FOS: variants seen among roughly 807,000 people sequenced by gnomAD.
FOS encodes the protein protein c-Fos.
A neutral mutation model predicts 27.2 loss-of-function variants in FOS; 9 were observed. The ratio of observed to expected loss-of-function variants is 0.33; its 90% CI spans 0.20 to 0.58. The LOEUF (loss-of-function observed/expected upper bound fraction) is 0.58, where lower values mean the gene tolerates loss of function less well. Among genes scored for constraint, FOS ranks in the 20% least tolerant of loss-of-function variants. FOS has a pLI of 0.87. For synonymous variants in FOS, 213 were observed against 205.1 expected, an observed-to-expected ratio of 1.04 and a Z score of -0.33; for missense variants, 405 against 483.5, an observed-to-expected ratio of 0.84 and a Z score of 1.52.
rs1359533864 is a variant in FOS at position 75,278,993 on chromosome 14, C to T, written c.11C>T (p.Ser4Leu). The T allele has an allele frequency of 1.9e-6, 3 of 1,613,504 alleles. No homozygotes were observed. Among genetic ancestry groups the T allele is most frequent in the Non-Finnish European group, 1.7e-6 (2 of 1,179,936 alleles). The change falls in exon 1 of 4, where the codon TCG becomes TTG. Residue 4 changes from serine to leucine, a missense_variant. By Grantham distance (145) the Ser-to-Leu change is moderately radical. Coordinates refer to ENST00000303562, the MANE Select transcript of FOS (RefSeq NM_005252.4). The surrounding 1 kb of genome is among the most constrained non-coding windows in gnomAD (Gnocchi z 4.1). Reference protein sequence around the residue: MMFSGFNADYEASS... With the variant: MMFLGFNADYEASS... ...TGCCTAACCGCCACGATGATGTTCTCGGGCTTCAACGCAGACTACGAGGCG... is the reference window on the plus strand; with the variant it reads ...TGCCTAACCGCCACGATGATGTTCTTGGGCTTCAACGCAGACTACGAGGCG...
chr14:75,279,724 G>C lies in FOS; in HGVS notation c.142-153G>C. The C allele has an allele frequency of 1.1e-6, 1 of 882,846 alleles. No individual in the cohort carries two copies. Among genetic ancestry groups the C allele is most frequent in the South Asian group, 1.7e-5 (1 of 59,502 alleles). 54.7% of individuals were successfully genotyped at this position (882,846 alleles called of 1,614,324 possible). A position where few individuals can be genotyped will look rare whatever the true frequency, so the allele number is the denominator to read the frequency against. On this transcript the variant is annotated intron_variant, in intron 1 of 3. Transcript: ENST00000303562. The surrounding 1 kb of genome is among the most constrained non-coding windows in gnomAD (Gnocchi z 5.4). ...TGCGGAATGCCTGGGAGGAAAAGGG[G>C]GAGACCTTTCATCCAGGATGAGGGA...
Position 75,279,893 on chromosome 14 carries a change from T to C in FOS, c.158T>C (p.Leu53Pro). 2 of 1,610,528 alleles carry C rather than the reference T, an allele frequency of 1.2e-6. No individual in the cohort carries two copies. The highest frequency in any genetic ancestry group is 1.7e-4 in the Middle Eastern group (1 of 6,046). ...PVNAQDFCTD[L>P]AVSSANFIPT... Reference sequence around the variant, plus strand: ...TTGTTCTAGGACTTCTGCACGGACCTGGCCGTCTCCAGTGCCAACTTCATT... The same window carrying C: ...TTGTTCTAGGACTTCTGCACGGACCCGGCCGTCTCCAGTGCCAACTTCATT... Residue 53 changes from leucine (L) to proline (P), a missense_variant, in exon 2 of 4, where the codon CTG becomes CCG. By Grantham distance (98) the Leu-to-Pro change is moderately conservative. Coordinates refer to ENST00000303562, the MANE Select transcript of FOS (RefSeq NM_005252.4). This position sits in a 1 kb window ranked among gnomAD's most constrained non-coding sequence, Gnocchi z 5.4.
At position 75,281,337 on chromosome 14, in the gene FOS, C is replaced by G; in HGVS notation, c.1056C>G (p.Pro352=). Residue 352 remains proline, a synonymous_variant, in exon 4 of 4, where the codon CCC becomes CCG. Coordinates refer to ENST00000303562, the MANE Select transcript of FOS (RefSeq NM_005252.4). The surrounding 1 kb of genome is among the most constrained non-coding windows in gnomAD (Gnocchi z 4.7). ...CCTACCCCGAGGCTGACTCCTTCCC[C>G]AGCTGTGCAGCTGCCCACCGCAAGG... ...VFTYPEADSF[P]SCAAAHRKGS... is the part of the protein sequence containing the mutation. 1 of 1,610,080 alleles carries G rather than the reference C, an allele frequency of 6.2e-7. No homozygotes were observed. Among genetic ancestry groups the G allele is most frequent in the Non-Finnish European group, 8.5e-7 (1 of 1,179,986 alleles).
rs1405963852 is a variant in FOS, at chr14:75,279,898, G to A, written c.163G>A (p.Val55Ile). Residue 55 changes from valine to isoleucine, a missense_variant, in exon 2 of 4, where the codon GTC becomes ATC. Physicochemically the swap from Val to Ile is conservative, Grantham distance 29. Coordinates refer to ENST00000303562, the MANE Select transcript of FOS (RefSeq NM_005252.4). The surrounding 1 kb of genome is among the most constrained non-coding windows in gnomAD (Gnocchi z 5.4). ...CTAGGACTTCTGCACGGACCTGGCC[G>A]TCTCCAGTGCCAACTTCATTCCCAC... ...NAQDFCTDLA[V>I]SSANFIPTVT... 6.2e-7 allele frequency: 1 copy of A among 1,611,178 alleles called. No homozygotes were observed. The highest frequency in any genetic ancestry group is 1.7e-5 in the Admixed American group (1 of 59,814).
chr14:75,280,769 C>G lies in FOS; in HGVS notation c.502-14C>G, dbSNP rs1233287989. ...GACTGTGTCTTATGCTTTCCTTTAT[C>G]CCTCTGTATACAGGAGACAGACCAA... is the stretch of plus-strand genomic sequence containing the variant. On this transcript the variant is annotated splice_polypyrimidine_tract_variant and intron_variant, in intron 3 of 3. Coordinates refer to ENST00000303562, the MANE Select transcript of FOS (RefSeq NM_005252.4). 6.2e-7 allele frequency: 1 copy of G among 1,612,308 alleles called. No individual in the cohort carries two copies. Among genetic ancestry groups the G allele is most frequent in the Admixed American group, 1.7e-5 (1 of 59,898 alleles).
Position 75,281,466 on chromosome 14 carries a change from C to A in FOS, c.*42C>A. ...AGGCAGCCGGCACCCACAAGTGCCACTGCCCGAGCTGGTGCATTACAGAGA... is the reference window on the plus strand; with the variant it reads ...AGGCAGCCGGCACCCACAAGTGCCAATGCCCGAGCTGGTGCATTACAGAGA... On this transcript the variant is annotated 3_prime_UTR_variant, in exon 4 of 4. Transcript: ENST00000303562. The surrounding 1 kb of genome is among the most constrained non-coding windows in gnomAD (Gnocchi z 4.7). The A allele has an allele frequency of 6.3e-7, 1 of 1,588,522 alleles. No individual in the cohort carries two copies. The highest frequency in any genetic ancestry group is 8.6e-7 in the Non-Finnish European group (1 of 1,169,526).
chr14:75,278,979 C>CT lies in FOS; in HGVS notation c.-4_-3insT. Reference sequence around the variant, plus strand: ...CCCTCGCCCGGCTTTGCCTAACCGCCACGATGATGTTCTCGGGCTTCAACG... The same window carrying CT: ...CCCTCGCCCGGCTTTGCCTAACCGCCTACGATGATGTTCTCGGGCTTCAACG... On this transcript the variant is annotated 5_prime_UTR_variant, in exon 1 of 4. Coordinates refer to ENST00000303562, the MANE Select transcript of FOS (RefSeq NM_005252.4). The surrounding 1 kb of genome is among the most constrained non-coding windows in gnomAD (Gnocchi z 4.1). The CT allele has an allele frequency of 6.2e-7, 1 of 1,613,580 alleles. No individual in the cohort carries two copies. Among genetic ancestry groups the CT allele is most frequent in the Non-Finnish European group, 8.5e-7 (1 of 1,179,904 alleles).
rs778762160 is a variant in FOS at position 75,281,294 on chromosome 14, C to T, written c.1013C>T (p.Thr338Met). ...TGTACTCCCAGCTGCACTGCTTACA[C>T]GTCTTCCTTCGTCTTCACCTACCCC... ...VTCTPSCTAY[T>M]SSFVFTYPEA... is the part of the protein sequence containing the mutation. Residue 338 changes from threonine (T) to methionine (M), a missense_variant, in exon 4 of 4, where the codon ACG becomes ATG. By Grantham distance (81) the Thr-to-Met change is moderately conservative. Transcript: ENST00000303562. The surrounding 1 kb of genome is among the most constrained non-coding windows in gnomAD (Gnocchi z 4.7). 31 of 1,609,912 alleles carry T rather than the reference C, an allele frequency of 1.9e-5. No homozygotes were observed. Among genetic ancestry groups the T allele is most frequent in the South Asian group, 5.5e-5 (5 of 91,090 alleles).
In FOS at chr14:75,278,920, G is replaced by C; in HGVS notation, c.-63G>C. ...AGTGACCGTGCTCCTACCCAGCTCTGCTCCACAGCGCCCACCTGTCTCCGC... is the reference window on the plus strand; with the variant it reads ...AGTGACCGTGCTCCTACCCAGCTCTCCTCCACAGCGCCCACCTGTCTCCGC... On this transcript the variant is annotated 5_prime_UTR_variant, in exon 1 of 4. Coordinates refer to ENST00000303562, the MANE Select transcript of FOS (RefSeq NM_005252.4). This position sits in a 1 kb window ranked among gnomAD's most constrained non-coding sequence, Gnocchi z 4.1. 6.2e-7 allele frequency: 1 copy of C among 1,600,488 alleles called. No individual in the cohort carries two copies. Among genetic ancestry groups the C allele is most frequent in the Non-Finnish European group, 8.5e-7 (1 of 1,174,046 alleles).
chr14:75,279,638 C>G lies in FOS; in HGVS notation c.142-239C>G, dbSNP rs1897203770. ...TATTTATAACAAACCCCCTTTCAAG[C>G]AAGTGATGCTGAAGGGATAACGGGA... On this transcript the variant is annotated intron_variant, in intron 1 of 3. Coordinates refer to ENST00000303562, the MANE Select transcript of FOS (RefSeq NM_005252.4). The surrounding 1 kb of genome is among the most constrained non-coding windows in gnomAD (Gnocchi z 5.4). 1.8e-6 allele frequency: 1 copy of G among 558,474 alleles called. No homozygotes were observed. The highest frequency in any genetic ancestry group is 3.2e-6 in the Non-Finnish European group (1 of 315,596). 34.6% of individuals were successfully genotyped at this position (558,474 alleles called of 1,614,324 possible).
At position 75,279,705 on chromosome 14, in the gene FOS, A is replaced by G; in HGVS notation, c.142-172A>G. 1.4e-6 allele frequency: 1 copy of G among 729,632 alleles called. No individual in the cohort carries two copies. Among genetic ancestry groups the G allele is most frequent in the Non-Finnish European group, 2.3e-6 (1 of 439,388 alleles). The allele number at this position is 729,632 out of a possible 1,614,324, so 45.2% of individuals were successfully genotyped here. ...GAAGAGACAGGCACTGCGCTGCGGA[A>G]TGCCTGGGAGGAAAAGGGGGAGACC... On this transcript the variant is annotated intron_variant, in intron 1 of 3. Transcript: ENST00000303562. The surrounding 1 kb of genome is among the most constrained non-coding windows in gnomAD (Gnocchi z 5.4).
Position 75,281,947 on chromosome 14 carries a change from TGTACTGTA to T in FOS, c.*526_*533del. 1 of 157,392 alleles carries T rather than the reference TGTACTGTA, an allele frequency of 6.4e-6. No individual in the cohort carries two copies. Among genetic ancestry groups the T allele is most frequent in the South Asian group, 1.8e-4 (1 of 5,638 alleles). The allele number at this position is 157,392 out of a possible 1,614,324, so 9.7% of individuals were successfully genotyped here. On this transcript the variant is annotated 3_prime_UTR_variant, in exon 4 of 4. Coordinates refer to ENST00000303562, the MANE Select transcript of FOS (RefSeq NM_005252.4). This position sits in a 1 kb window ranked among gnomAD's most constrained non-coding sequence, Gnocchi z 4.7. The stretch of plus-strand genomic sequence containing the variant: ...AGATAGAAATAAATAGCTATATCCA[TGTACTGTA>T]GTTTTTCTTCAACATCAATGTTCAT...
In FOS at chr14:75,279,151, G is replaced by T; in HGVS notation, c.141+28G>T. 1 of 1,610,452 alleles carries T rather than the reference G, an allele frequency of 6.2e-7. No homozygotes were observed. The highest frequency in any genetic ancestry group is 8.5e-7 in the Non-Finnish European group (1 of 1,179,744). On this transcript the variant is annotated intron_variant, in intron 1 of 3. Transcript: ENST00000303562. This position sits in a 1 kb window ranked among gnomAD's most constrained non-coding sequence, Gnocchi z 5.4. Reference sequence around the variant, plus strand: ...AAGGCTGGCTTCCCGTCGCCGCGGGGCCGGGGGCTTGGGGTCGCGGAGGAG... The same window carrying T: ...AAGGCTGGCTTCCCGTCGCCGCGGGTCCGGGGGCTTGGGGTCGCGGAGGAG...
In FOS at chr14:75,279,337, G is replaced by T; in HGVS notation, c.141+214G>T. 1 of 645,682 alleles carries T rather than the reference G, an allele frequency of 1.5e-6. No individual in the cohort carries two copies. Among genetic ancestry groups the T allele is most frequent in the Non-Finnish European group, 2.6e-6 (1 of 379,506 alleles). 40.0% of individuals were successfully genotyped at this position (645,682 alleles called of 1,614,324 possible). On this transcript the variant is annotated intron_variant, in intron 1 of 3. Transcript: ENST00000303562. The surrounding 1 kb of genome is among the most constrained non-coding windows in gnomAD (Gnocchi z 5.4). ...AATTGGTTCCCCCTTCGGGAGGCAG[G>T]TTCGTTCTGAGCAACCTCTGGTCTG...
intron 2 of FOS, chr14:75,280,331 C>A: frequency 1.4e-6 from 1 of 733,628 alleles, no homozygotes; most frequent in South Asian, 1.8e-5. Context: ...AGTTTCTTCC[C>A]TAAGTTTCTT....
chr14:75,279,779 C>G lies in FOS; in HGVS notation c.142-98C>G. 7.4e-7 allele frequency: 1 copy of G among 1,347,964 alleles called. No individual in the cohort carries two copies. The highest frequency in any genetic ancestry group is 1.0e-6 in the Non-Finnish European group (1 of 981,370). 83.5% of individuals were successfully genotyped at this position (1,347,964 alleles called of 1,614,324 possible). On this transcript the variant is annotated intron_variant, in intron 1 of 3. Transcript: ENST00000303562. This position sits in a 1 kb window ranked among gnomAD's most constrained non-coding sequence, Gnocchi z 5.4. ...TAAGATGAAATGTCCGTGGCAGGAT[C>G]GTTTCTCTTCACTGCTGCATGCGGC...
At chr14:75,280,245 G>T in intron 2 of FOS, 117 bp downstream of exon 2, 1 of 1,388,108 alleles carries the variant, frequency 7.2e-7, no homozygotes, top group African/African-American at 1.4e-5. Context: ...CTGCACATCC[G>T]TAACTGGGAG....
intron 2 of FOS, 131 bp from the exon 3 acceptor site, chr14:75,280,429 G>C: frequency 2.7e-6 from 2 of 749,160 alleles, no homozygotes; most frequent in Non-Finnish European, 4.4e-6. Context: ...GCAACTGCAG[G>C]TCAGAAATGG....
rs1454610464 is a variant in FOS, at chr14:75,278,891, G to A, written c.-92G>A. 4.0e-6 allele frequency: 6 copies of A among 1,495,570 alleles called. No individual in the cohort carries two copies. The highest frequency in any genetic ancestry group is 2.8e-5 in the African/African-American group (2 of 72,000). The allele number at this position is 1,495,570 out of a possible 1,614,324, so 92.6% of individuals were successfully genotyped here. ...AGCCGGCGGCCGCGGCGCAGCGAAC[G>A]AGCAGTGACCGTGCTCCTACCCAGC... On this transcript the variant is annotated 5_prime_UTR_variant, in exon 1 of 4. Transcript: ENST00000303562. The surrounding 1 kb of genome is among the most constrained non-coding windows in gnomAD (Gnocchi z 4.1).
Sources: gnomAD v4.1 joint callset for allele counts on GRCh38, gnomAD v4.1.1 for gene constraint, Gnocchi (gnomAD v3.1) non-coding constraint, MANE v1.5 for transcripts, NCBI Gene and HGNC (gene_info 2026-07-23, HGNC 2026-07-21) for gene names.